The following PDE11A variants were observed in gnomAD, a reference collection of about 807,000 sequenced individuals.
PDE11A encodes the protein dual 3',5'-cyclic-AMP and -GMP phosphodiesterase 11A.
A neutral mutation model predicts 100.5 loss-of-function variants in PDE11A; 100 were observed. The observed-to-expected ratio is 1.00, with a 90% CI of 0.85 to 1.18. PDE11A has a LOEUF of 1.18. Among genes scored for constraint, PDE11A ranks in the 50% most tolerant of loss-of-function variants. The pLI, the probability that PDE11A is intolerant of heterozygous loss-of-function variation, is 0.00. For synonymous variants in PDE11A, 381 were observed against 420.8 expected, an observed-to-expected ratio of 0.91 and a Z score of 1.16; for missense variants, 1,141 against 1,152.6, an observed-to-expected ratio of 0.99 and a Z score of 0.15.
intron 2 of PDE11A, among the ~76,000 whole-genome samples, chr2:178,097,664 CAT>C (rs1170218457): frequency 1.3e-5 from 2 of 152,146 alleles, no homozygotes; most frequent in South Asian, 2.1e-4. Flanking sequence ...AAAACAGAAA[CAT>C]ATAAATGACA....
intron 2 of PDE11A, among the ~76,000 whole-genome samples, chr2:177,914,983 T>C (rs533344515): frequency 6.6e-6 from 1 of 152,302 alleles, no homozygotes; most frequent in Admixed American, 6.5e-5. Context: ...TAAGGGTCCA[T>C]TTATATTGAA....
At chr2:177,897,175 C>T (rs777457000) in intron 4 of PDE11A, among the ~76,000 whole-genome samples, 7 of 152,148 alleles carry the variant, frequency 4.6e-5, no homozygotes, top group Non-Finnish European at 7.3e-5. Context: ...ACACAATTCC[C>T]GATCTTTGAA....
intron 2 of PDE11A, among the ~76,000 whole-genome samples, chr2:178,083,390 C>T (rs908632427): frequency 2.0e-5 from 3 of 152,136 alleles, no homozygotes; most frequent in Non-Finnish European, 2.9e-5. Flanking sequence ...TGAGCCACCT[C>T]GCCCAGCCAG....
chr2:177,845,174 C>A (rs1477256543), intron 5 of PDE11A, among the ~76,000 whole-genome samples: 2 of 148,738 alleles, frequency 1.3e-5, no homozygotes, highest in African/African-American at 5.0e-5. Context: ...GGGGCTGACC[C>A]CCCCCACCTC....
intron 19 of PDE11A, among the ~76,000 whole-genome samples, chr2:177,663,621 G>GACGAA (rs2080519384): frequency 6.6e-6 from 1 of 152,096 alleles, no homozygotes; most frequent in Non-Finnish European, 1.5e-5. Flanking sequence ...CTGGTTTACA[G>GACGAA]ATGAGGGAGT....
At chr2:177,730,497 T>A (rs2081668502) in intron 10 of PDE11A, among the ~76,000 whole-genome samples, 2 of 152,064 alleles carry the variant, frequency 1.3e-5, no homozygotes, top group African/African-American at 4.8e-5. Context: ...TTCATTTCTC[T>A]TTTCCTTTAG....
At chr2:177,958,170 T>C (rs2085589950) in intron 2 of PDE11A, among the ~76,000 whole-genome samples, 1 of 152,088 alleles carries the variant, frequency 6.6e-6, no homozygotes, top group African/African-American at 2.4e-5. Context: ...CAATTACAGG[T>C]GTGAGCCACC....
intron 1 of PDE11A, among the ~76,000 whole-genome samples, chr2:178,023,927 C>T (rs2105835532): frequency 6.6e-6 from 1 of 152,224 alleles, no homozygotes; most frequent in Middle Eastern, 3.4e-3. Flanking sequence ...CTTAGACATA[C>T]ATAGGAATAG....
chr2:177,742,543 TAGTG>T (rs1343751411), intron 10 of PDE11A, among the ~76,000 whole-genome samples: 5 of 152,178 alleles, frequency 3.3e-5, no homozygotes, highest in African/African-American at 1.2e-4. Context: ...GACAAATACT[TAGTG>T]AGGGCTTGCT....
chr2:177,680,719 A>T, intron 16 of PDE11A, 107 bp downstream of exon 16: 1 of 646,292 alleles, frequency 1.5e-6, no homozygotes, highest in Non-Finnish European at 2.8e-6. Context: ...GTAAGCTAAG[A>T]TTTGTTACTT....
intron 2 of PDE11A, among the ~76,000 whole-genome samples, chr2:177,948,958 G>A (rs1451968636): frequency 6.6e-6 from 1 of 152,072 alleles, no homozygotes; most frequent in Non-Finnish European, 1.5e-5. Context: ...ATTACCAAAA[G>A]TCTTAATCTT....
In PDE11A at chr2:177,905,139, G is replaced by A. The variant is rs2084764731; in HGVS notation, c.1120C>T (p.Gln374Ter). The change falls in exon 3 of 20, where the codon CAG (glutamine) becomes TAG (stop). Residue 374 changes from glutamine to a stop codon, truncating the protein, a stop_gained. Coordinates refer to ENST00000286063, the MANE Select transcript of PDE11A (RefSeq NM_016953.4). LOFTEE classifies it high-confidence loss of function. ...PFCGIAISNA[Q>*]LFAASRKEYE... ...TCTTTCCTTGAGGCAGCAAAGAGCT[G>A]AGCGTTAGATATGGCGATTCCACAA... is the stretch of plus-strand genomic sequence containing the variant. 2 of 1,609,808 alleles carry A rather than the reference G, an allele frequency of 1.2e-6. No homozygotes were observed. Among genetic ancestry groups the A allele is most frequent in the South Asian group, 2.2e-5 (2 of 90,990 alleles).
At chr2:177,991,694 C>G (rs919305165) in intron 2 of PDE11A, among the ~76,000 whole-genome samples, 1 of 151,174 alleles carries the variant, frequency 6.6e-6, no homozygotes, top group African/African-American at 2.4e-5. Flanking sequence ...TATATATACT[C>G]TTTTCATATG....
intron 7 of PDE11A, among the ~76,000 whole-genome samples, chr2:177,819,175 T>C (rs2083094535): frequency 6.6e-6 from 1 of 152,094 alleles, no homozygotes; most frequent in Admixed American, 6.6e-5. Context: ...TAAGTCTTTG[T>C]ACTAGAGGCT....
At chr2:177,672,656 T>C (rs114036601) in intron 17 of PDE11A, among the ~76,000 whole-genome samples, 3,001 of 152,270 alleles carry the variant, frequency 0.02, 32 homozygotes, top group Non-Finnish European at 0.032. Context: ...AACAAAATGT[T>C]AGTAGCATGT....
At chr2:177,849,473 G>A (rs1194136740) in intron 5 of PDE11A, among the ~76,000 whole-genome samples, 1 of 152,120 alleles carries the variant, frequency 6.6e-6, no homozygotes, top group African/African-American at 2.4e-5. Flanking sequence ...AAGCTGATAA[G>A]CAACTTCAGC....
chr2:177,919,235 C>A (rs1216128922), intron 2 of PDE11A, among the ~76,000 whole-genome samples: 1 of 133,380 alleles, frequency 7.5e-6, no homozygotes, highest in African/African-American at 2.8e-5. Context: ...GTAGCTGGGA[C>A]TATAGGCGCG....
chr2:177,947,639 C>T (rs1471342402), intron 2 of PDE11A, among the ~76,000 whole-genome samples: 1 of 151,798 alleles, frequency 6.6e-6, no homozygotes, highest in Non-Finnish European at 1.5e-5. Flanking sequence ...CGGAAGGCCG[C>T]AGGGTCCTCT....
intron 12 of PDE11A, among the ~76,000 whole-genome samples, chr2:177,713,987 C>CT (rs57211363): frequency 0.15 from 11,549 of 75,136 alleles, 2,322 homozygotes; most frequent in South Asian, 0.24. Context: ...TTTCTTTTTT[C>CT]TTTTTTTTTT....
Sources: allele counts gnomAD v4.1 joint callset (sites outside exome capture counted in the v4.1 genomes callset), GRCh38; gene constraint gnomAD v4.1.1; transcripts MANE v1.5; gene names NCBI Gene and HGNC (gene_info 2026-07-23, HGNC 2026-07-21).